ZBBX: variants seen among roughly 807,000 people sequenced by gnomAD.
ZBBX encodes the protein zinc finger B-box domain-containing protein 1.
A neutral mutation model predicts 108.5 loss-of-function variants in ZBBX; 101 were observed. That is an observed-to-expected ratio of 0.93 (90% confidence interval 0.79 to 1.10). ZBBX has a LOEUF of 1.10. Ranked by LOEUF, ZBBX falls within the 50% of genes least tolerant of loss-of-function variation. The pLI, the probability that ZBBX is intolerant of heterozygous loss-of-function variation, is 0.00. For synonymous variants in ZBBX, 356 were observed against 323.4 expected (o/e 1.10, Z -1.08); for missense variants, 1,009 against 941.4 (o/e 1.07, Z -0.94).
chr3:167,354,032 A>G lies in ZBBX; in HGVS notation c.433-3517T>C, dbSNP rs759019970. Among the ~76,000 whole-genome samples, 67 of 152,146 alleles carry G rather than the reference A, an allele frequency of 4.4e-4. No individual in the cohort carries two copies. The Middle Eastern group carries it at 0.01, about 23-fold the overall frequency. Reference sequence around the variant, plus strand: ...TAAGTTGAAAATATATTTAGTACAAATAACCTACTAAGCATCATAGCTTAG... The same window carrying G: ...TAAGTTGAAAATATATTTAGTACAAGTAACCTACTAAGCATCATAGCTTAG... On this transcript the variant is annotated intron_variant, in intron 8 of 21. Coordinates refer to ENST00000675490, the MANE Select transcript of ZBBX (RefSeq NM_001199201.2).
At chr3:167,332,854 A>T (rs928915335) in intron 10 of ZBBX, among the ~76,000 whole-genome samples, 5 of 152,156 alleles carry the variant, frequency 3.3e-5, no homozygotes, top group African/African-American at 9.7e-5. Flanking sequence ...CAATTTATAA[A>T]AACTATTCCC....
rs539945147 is a variant in ZBBX at position 167,264,475 on chromosome 3, A to G, written c.2254+17763T>C. 3.3e-5 allele frequency among the ~76,000 whole-genome samples: 5 copies of G among 152,364 alleles called. No individual in the cohort carries two copies. The South Asian group carries it at 1.0e-3, about 32-fold the overall frequency. On this transcript the variant is annotated intron_variant, in intron 20 of 21. Transcript: ENST00000675490. ...TAACACTGATTACATAAACAAAGAA[A>G]TGCACAACATGAAAACTAATAAAAA...
At chr3:167,225,028 T>C in the ZBBX span, among the ~76,000 whole-genome samples, 17 of 151,864 alleles carry the variant, frequency 1.1e-4, no homozygotes, top group Admixed American at 2.0e-4. Flanking sequence ...TCTTCCACAA[T>C]TGCAACTTAG....
At chr3:167,359,602 A>G (rs1377104038) in intron 8 of ZBBX, among the ~76,000 whole-genome samples, 1 of 152,104 alleles carries the variant, frequency 6.6e-6, no homozygotes, top group African/African-American at 2.4e-5. Context: ...TTGTGTGCTA[A>G]TAGGTATGAC....
chr3:167,358,341 G>A (rs1743931872), intron 8 of ZBBX, among the ~76,000 whole-genome samples: 2 of 151,826 alleles, frequency 1.3e-5, no homozygotes, highest in African/African-American at 4.8e-5. Context: ...TCTCAGAGAC[G>A]GAAAGTAAAA....
the ZBBX span, among the ~76,000 whole-genome samples, chr3:167,192,002 C>T: frequency 6.9e-6 from 1 of 145,538 alleles, no homozygotes; most frequent in East Asian, 2.1e-4. Flanking sequence ...CATTTTATCT[C>T]AATCTCCCCA....
chr3:167,325,633 T>C (rs1473558084), intron 11 of ZBBX, among the ~76,000 whole-genome samples: 1 of 152,122 alleles, frequency 6.6e-6, no homozygotes, highest in African/African-American at 2.4e-5. Context: ...GACCTCCACT[T>C]AGGCTGTAAG....
chr3:167,215,948 C>G, the ZBBX span, among the ~76,000 whole-genome samples: 35 of 152,182 alleles, frequency 2.3e-4, 1 homozygote, highest in South Asian at 7.1e-3. Context: ...GTTAAAAACT[C>G]TCAATAAACT....
chr3:167,316,686 G>A (rs1414606062), intron 14 of ZBBX, among the ~76,000 whole-genome samples: 9 of 151,938 alleles, frequency 5.9e-5, no homozygotes, highest in Admixed American at 5.9e-4. Context: ...TTAAAAACTT[G>A]ATAACATAGA....
chr3:167,284,625 A>G (rs4589933), intron 19 of ZBBX, among the ~76,000 whole-genome samples: 48,160 of 152,046 alleles, frequency 0.32, 8,164 homozygotes, highest in East Asian at 0.66. Context: ...TAATAAGAAC[A>G]TTTGATTGCC....
At chr3:167,193,674 C>T in the ZBBX span, among the ~76,000 whole-genome samples, 1 of 152,166 alleles carries the variant, frequency 6.6e-6, no homozygotes, top group Admixed American at 6.5e-5. Flanking sequence ...CCAAAGTTGT[C>T]TCATGTTTAT....
At position 167,305,730 on chromosome 3, in the gene ZBBX, T is replaced by C. The variant is rs750679375; in HGVS notation, c.1638A>G (p.Leu546=). The change falls in exon 17 of 22, where the codon TTA becomes TTG. Residue 546 remains leucine (L), a synonymous_variant. Transcript: ENST00000675490. ...DLEKAPIEEK[L]SQDIKESLEL... The stretch of plus-strand genomic sequence containing the variant: ...CCAAGGATTCTTTGATGTCTTGAGA[T>C]AATTTCTCCTCAATGGGAGCTTTTT... The C allele has an allele frequency of 7.4e-6, 12 of 1,612,192 alleles. No homozygotes were observed. Among genetic ancestry groups the C allele is most frequent in the Non-Finnish European group, 9.3e-6 (11 of 1,179,360 alleles).
chr3:167,340,298 A>G (rs149385800), intron 9 of ZBBX, among the ~76,000 whole-genome samples: 283 of 152,260 alleles, frequency 1.9e-3, no homozygotes, highest in Non-Finnish European at 3.6e-3. Flanking sequence ...TACATCAAGC[A>G]GGTACTAGTT....
intron 9 of ZBBX, among the ~76,000 whole-genome samples, chr3:167,339,600 T>C (rs560207434): frequency 6.6e-6 from 1 of 152,294 alleles, no homozygotes; most frequent in South Asian, 2.1e-4. Context: ...CTAGCCCTAA[T>C]CTTCCCTCAA....
At chr3:167,339,933 G>A (rs1740252320) in intron 9 of ZBBX, among the ~76,000 whole-genome samples, 1 of 151,986 alleles carries the variant, frequency 6.6e-6, no homozygotes, top group Admixed American at 6.6e-5. Context: ...CTGTTCCTGT[G>A]TTAGTTTGCT....
At chr3:167,383,308 A>G (rs1747806468), upstream of ZBBX, among the ~76,000 whole-genome samples, 1 of 152,042 alleles carries the variant, frequency 6.6e-6, no homozygotes, top group Non-Finnish European at 1.5e-5. Flanking sequence ...TTACTTTTAC[A>G]TGAAGCATCT....
rs1744228517 is a variant in ZBBX, at chr3:167,359,883, T to A, written c.419A>T (p.Lys140Ile). The change falls in exon 8 of 22, where the codon AAA becomes ATA. Residue 140 changes from lysine to isoleucine, a missense_variant. Transcript: ENST00000675490. The part of the protein sequence containing the change: ...NGKVCGQCEN[K>I]AALLVCLECG... ...TAACGTACATACCAGTAGAGCAGCT[T>A]TGTTCTCACACTGTCCACATACTTT... is the stretch of plus-strand genomic sequence containing the variant. 1 of 1,532,616 alleles carries A rather than the reference T, an allele frequency of 6.5e-7. No individual in the cohort carries two copies. The highest frequency in any genetic ancestry group is 1.2e-5 in the South Asian group (1 of 80,628). 94.9% of individuals were successfully genotyped at this position (1,532,616 alleles called of 1,614,324 possible).
downstream of ZBBX, among the ~76,000 whole-genome samples, chr3:167,236,953 G>A (rs557632652): frequency 3.9e-5 from 6 of 151,948 alleles, no homozygotes; most frequent in East Asian, 1.2e-3. Context: ...TGCTCTTTGA[G>A]AAGATACATT....
chr3:167,330,583 T>C (rs902654496), intron 10 of ZBBX, among the ~76,000 whole-genome samples: 2 of 151,754 alleles, frequency 1.3e-5, no homozygotes, highest in African/African-American at 4.8e-5. Flanking sequence ...TCTAATAGGA[T>C]TGGTATCCTG....
Sources: gnomAD v4.1 joint callset for allele counts (sites outside exome capture counted in the v4.1 genomes callset) on GRCh38, gnomAD v4.1.1 for gene constraint, MANE v1.5 for transcripts, NCBI Gene and HGNC (gene_info 2026-07-23, HGNC 2026-07-21) for gene names.